Variants in ZFR observed in about 807,000 individuals in gnomAD.
ZFR encodes zinc finger RNA binding protein, also known as zinc finger RNA-binding protein.
Under a neutral mutation model 130.7 loss-of-function variants are expected in ZFR, and 19 were observed. The ratio of observed to expected loss-of-function variants is 0.15; its 90% CI spans 0.10 to 0.21. The LOEUF (loss-of-function observed/expected upper bound fraction) is 0.21. Ranked by LOEUF, ZFR falls within the 10% of genes least tolerant of loss-of-function variation. The pLI is 1.00. For synonymous variants in ZFR, 466 were observed against 456.9 expected (o/e 1.02, Z -0.25); for missense variants, 872 against 1,321.5 (o/e 0.66, Z 5.27).
intron 5 of ZFR, among the ~76,000 whole-genome samples, chr5:32,414,472 T>A (rs1347834545): frequency 6.6e-6 from 1 of 152,228 alleles, no homozygotes; most frequent in Non-Finnish European, 1.5e-5. Context: ...ATAAAGGTAC[T>A]CTGTTCTTCC....
At chr5:32,399,167 TGG>T (rs1425912034) in intron 9 of ZFR, among the ~76,000 whole-genome samples, 4 of 151,470 alleles carry the variant, frequency 2.6e-5, no homozygotes, top group Non-Finnish European at 5.9e-5. Flanking sequence ...CCCAGCTACT[TGG>T]GAGGCTGAGG....
intron 17 of ZFR, among the ~76,000 whole-genome samples, chr5:32,370,089 ATT>A (rs933446377): frequency 3.4e-4 from 41 of 121,904 alleles, no homozygotes; most frequent in African/African-American, 3.8e-4. Context: ...ACAGTGGCAG[ATT>A]TTTTTTTTTT....
chr5:32,393,301 C>T (rs1197495607), intron 11 of ZFR, among the ~76,000 whole-genome samples: 1 of 151,532 alleles, frequency 6.6e-6, no homozygotes, highest in Non-Finnish European at 1.5e-5. Context: ...ATTAAAATGT[C>T]ATTTTAAAAT....
intron 6 of ZFR, among the ~76,000 whole-genome samples, chr5:32,404,753 T>A (rs1267788016): frequency 6.6e-6 from 1 of 152,236 alleles, no homozygotes; most frequent in East Asian, 1.9e-4. Context: ...GGAAGGCTGT[T>A]AATTAATACG....
intron 17 of ZFR, among the ~76,000 whole-genome samples, chr5:32,376,554 G>GTAC (rs1752814055): frequency 1.3e-5 from 2 of 151,568 alleles, no homozygotes; most frequent in African/African-American, 4.9e-5. Flanking sequence ...TAGCCGTACT[G>GTAC]TACTACAGCT....
intron 5 of ZFR, among the ~76,000 whole-genome samples, chr5:32,414,207 C>A (rs188690864): frequency 3.1e-4 from 47 of 152,308 alleles, no homozygotes; most frequent in Admixed American, 1.1e-3. Flanking sequence ...ACACTCCGTG[C>A]ATTCCTAATT....
At chr5:32,387,187 A>G (rs1753061543) in intron 14 of ZFR, among the ~76,000 whole-genome samples, 1 of 152,152 alleles carries the variant, frequency 6.6e-6, no homozygotes, top group Admixed American at 6.5e-5. Flanking sequence ...TCATGAATTA[A>G]AAAAATTTAA....
Position 32,380,170 on chromosome 5 carries a change from C to T in ZFR, c.2644G>A (p.Val882Ile), listed in dbSNP as rs979928751. Residue 882 changes from valine to isoleucine, a missense_variant and splice_region_variant, in exon 16 of 20, where the codon GTA (valine) becomes ATA (isoleucine). Val to Ile is a conservative substitution (Grantham distance 29). Around this residue, in one of 7 missense-constraint regions of ZFR, gnomAD observed 158 missense variants for 264.0 expected, o/e 0.60. Coordinates refer to ENST00000265069, the MANE Select transcript of ZFR (RefSeq NM_016107.5). ...IREENMREGD[V>I]TSGMVKDPPD... ...GGGTCTTTCACCATACCCGAGGTTA[C>T]ATCTAAAATGGATTGAATTGGCAAA... 6.2e-7 allele frequency: 1 copy of T among 1,613,282 alleles called. No homozygotes were observed. Among genetic ancestry groups the T allele is most frequent in the African/African-American group, 1.3e-5 (1 of 74,910 alleles).
chr5:32,429,916 T>G (rs572965729), intron 2 of ZFR, among the ~76,000 whole-genome samples: 1 of 151,894 alleles, frequency 6.6e-6, no homozygotes, highest in Non-Finnish European at 1.5e-5. Context: ...AAAAAAATTT[T>G]TTTTTGTTTT....
chr5:32,377,082 G>A (rs552309584), intron 17 of ZFR, among the ~76,000 whole-genome samples: 7 of 150,752 alleles, frequency 4.6e-5, no homozygotes, highest in Non-Finnish European at 8.9e-5. Flanking sequence ...CAAGAACCTG[G>A]GAGGCGGAGC....
intron 7 of ZFR, 112 bp downstream of exon 7, chr5:32,403,794 A>G: frequency 2.1e-6 from 2 of 932,896 alleles, no homozygotes; most frequent in Non-Finnish European, 3.1e-6. Flanking sequence ...AGCAAGGCTT[A>G]TAATGCACTT....
chr5:32,415,919 G>A (rs1008763552), intron 4 of ZFR, among the ~76,000 whole-genome samples: 2 of 52,952 alleles, frequency 3.8e-5, no homozygotes, highest in Non-Finnish European at 8.9e-5. Context: ...CAAAATCACG[G>A]GGCCAAGCTC....
In ZFR at chr5:32,385,759, G is replaced by T. The variant is rs7718350; in HGVS notation, c.2500-110C>A. 6.6e-6 allele frequency: 8 copies of T among 1,214,888 alleles called. No individual in the cohort carries two copies. In the South Asian group the frequency reaches 8.7e-5, roughly 13 times the overall value. 75.3% of individuals were successfully genotyped at this position (1,214,888 alleles called of 1,614,324 possible). A position where few individuals can be genotyped will look rare whatever the true frequency, so the allele number is the denominator to read the frequency against. ...TACTACCCTAACCATTCTATATGAG[G>T]ACCAGATTATATACTGCTCCTTCTA... On this transcript the variant is annotated intron_variant, in intron 14 of 19. Coordinates refer to ENST00000265069, the MANE Select transcript of ZFR (RefSeq NM_016107.5).
intron 2 of ZFR, among the ~76,000 whole-genome samples, chr5:32,439,806 A>T (rs895200970): frequency 5.3e-5 from 7 of 132,082 alleles, no homozygotes; most frequent in African/African-American, 2.5e-4. Flanking sequence ...CATGTCTTTA[A>T]AAAAAAAAAA....
chr5:32,435,020 G>C (rs1754303266), intron 2 of ZFR, among the ~76,000 whole-genome samples: 1 of 152,072 alleles, frequency 6.6e-6, no homozygotes, highest in South Asian at 2.1e-4. Context: ...CCAGGCTCCG[G>C]TGATCCTCCC....
intron 17 of ZFR, among the ~76,000 whole-genome samples, chr5:32,371,332 C>T (rs528054838): frequency 2.0e-5 from 3 of 152,290 alleles, no homozygotes; most frequent in East Asian, 1.9e-4. Flanking sequence ...GCTGCTCCAT[C>T]GCCCTCCAGT....
chr5:32,444,498 AC>A, intron 1 of ZFR, 123 bp downstream of exon 1: 1 of 1,308,208 alleles, frequency 7.6e-7, no homozygotes, highest in Non-Finnish European at 1.0e-6. Flanking sequence ...TCCCTCACTC[AC>A]TCGCACGCCC....
intron 4 of ZFR, among the ~76,000 whole-genome samples, chr5:32,415,523 C>CACGCGT (rs1554073620): frequency 7.6e-6 from 1 of 132,036 alleles, no homozygotes; most frequent in Admixed American, 7.4e-5. Context: ...TGTGCGCGCG[C>CACGCGT]GCGCGCGCGC....
chr5:32,419,162 A>T (rs1379038460), intron 3 of ZFR, among the ~76,000 whole-genome samples: 1 of 152,230 alleles, frequency 6.6e-6, no homozygotes, highest in African/African-American at 2.4e-5. Flanking sequence ...TAGTACAAAC[A>T]AGGGAAGTCT....
Sources: allele counts gnomAD v4.1 joint callset (sites outside exome capture counted in the v4.1 genomes callset), GRCh38; gene constraint gnomAD v4.1.1; regional missense constraint gnomAD v4.1.1; transcripts MANE v1.5; gene names NCBI Gene and HGNC (gene_info 2026-07-23, HGNC 2026-07-21).